Variants in ANKS1A observed in about 807,000 individuals in gnomAD.
The protein encoded by ANKS1A is ankyrin repeat and SAM domain-containing protein 1A.
ANKS1A carries 55 observed loss-of-function variants against 120.3 expected under a neutral mutation model. The observed-to-expected ratio is 0.46, with a 90% CI of 0.37 to 0.57. The LOEUF (loss-of-function observed/expected upper bound fraction) is 0.57, where lower values mean the gene tolerates loss of function less well. Ranked by LOEUF, ANKS1A falls within the 20% of genes least tolerant of loss-of-function variation. The pLI, the probability that ANKS1A is intolerant of heterozygous loss-of-function variation, is 0.00. For missense variants in ANKS1A, 1,123 were observed against 1,480.3 expected (o/e 0.76, Z 3.96); for synonymous variants, 590 against 604.7 (o/e 0.98, Z 0.36).
rs1027544528 is a variant in ANKS1A, at chr6:34,928,311, C to T, written c.197+38712C>T. Among the ~76,000 whole-genome samples, 4 of 152,140 alleles carry T rather than the reference C, an allele frequency of 2.6e-5. No homozygotes were observed. In the South Asian group the frequency reaches 8.3e-4, roughly 32 times the overall value. On this transcript the variant is annotated intron_variant, in intron 1 of 23. Coordinates refer to ENST00000360359, the MANE Select transcript of ANKS1A (RefSeq NM_015245.3). ...AGAGCAGCCTTTTACAGCCCCAGGCCTCACAGGATCCTCTGAAAAGACTCG... is the reference window on the plus strand; with the variant it reads ...AGAGCAGCCTTTTACAGCCCCAGGCTTCACAGGATCCTCTGAAAAGACTCG...
At chr6:35,030,647 T>A (rs1028030570) in intron 11 of ANKS1A, among the ~76,000 whole-genome samples, 2 of 152,246 alleles carry the variant, frequency 1.3e-5, no homozygotes, top group Non-Finnish European at 2.9e-5. Context: ...CACCGTTACG[T>A]CTATGAAATA....
Position 34,991,776 on chromosome 6 carries a change from A to G in ANKS1A, c.1302+2460A>G, listed in dbSNP as rs1228719680. 7.0e-4 allele frequency among the ~76,000 whole-genome samples: 99 copies of G among 141,942 alleles called. 2 individuals carry two copies. The highest frequency in any genetic ancestry group is 2.6e-3 in the Admixed American group (36 of 13,838). 93.1% of individuals were successfully genotyped at this position (141,942 alleles called of 152,430 possible). On this transcript the variant is annotated intron_variant, in intron 9 of 23. Coordinates refer to ENST00000360359, the MANE Select transcript of ANKS1A (RefSeq NM_015245.3). The stretch of plus-strand genomic sequence containing the variant: ...CACACATATATATATACACATATAT[A>G]TACACACATATATATATACATATAT...
chr6:34,910,659 G>A (rs1393551229), intron 1 of ANKS1A, among the ~76,000 whole-genome samples: 1 of 152,002 alleles, frequency 6.6e-6, no homozygotes, highest in African/African-American at 2.4e-5. Context: ...TCAGGAGTTC[G>A]AGACCAGCCT....
intron 1 of ANKS1A, among the ~76,000 whole-genome samples, chr6:34,928,841 G>A (rs1768839113): frequency 1.3e-5 from 2 of 152,136 alleles, no homozygotes; most frequent in African/African-American, 4.8e-5. Context: ...TTCCTCTTTT[G>A]AGTTCTAATG....
chr6:35,031,496 G>C (rs1774908551), intron 11 of ANKS1A, among the ~76,000 whole-genome samples: 1 of 152,152 alleles, frequency 6.6e-6, no homozygotes, highest in African/African-American at 2.4e-5. Context: ...CTTGTAAAGG[G>C]TCACTCAAGT....
chr6:34,989,438 G>A (rs918096938), intron 9 of ANKS1A, 122 bp downstream of exon 9: 5 of 880,090 alleles, frequency 5.7e-6, no homozygotes, highest in African/African-American at 5.1e-5. Flanking sequence ...TTATAAATTT[G>A]TATTATGTGT....
chr6:35,016,169 A>G (rs1773993987), intron 10 of ANKS1A, among the ~76,000 whole-genome samples: 2 of 152,254 alleles, frequency 1.3e-5, no homozygotes, highest in Non-Finnish European at 2.9e-5. Context: ...ACACAGCTAG[A>G]GAACAGCTCA....
At chr6:35,024,008 CTTTG>C (rs990535440) in intron 11 of ANKS1A, among the ~76,000 whole-genome samples, 13 of 152,118 alleles carry the variant, frequency 8.5e-5, no homozygotes, top group African/African-American at 3.1e-4. Flanking sequence ...GTCTCTAAAA[CTTTG>C]TTTTTCTGCA....
rs948663728 is a variant in ANKS1A at position 35,090,884 on chromosome 6, G to A, written c.*2275G>A. Reference sequence around the variant, plus strand: ...ACCTCTTCTCCCCTGCCCACCAGCTGCTCAGCGCATAAGACCTTCCCGACA... The same window carrying A: ...ACCTCTTCTCCCCTGCCCACCAGCTACTCAGCGCATAAGACCTTCCCGACA... On this transcript the variant is annotated 3_prime_UTR_variant, in exon 24 of 24. Coordinates refer to ENST00000360359, the MANE Select transcript of ANKS1A (RefSeq NM_015245.3). The A allele has an allele frequency of 1.4e-5, 14 of 985,686 alleles. No homozygotes were observed. Among genetic ancestry groups the A allele is most frequent in the African/African-American group, 1.7e-5 (1 of 57,258 alleles). The allele number at this position is 985,686 out of a possible 1,614,324, so 61.1% of individuals were successfully genotyped here. A position where few individuals can be genotyped will look rare whatever the true frequency, so the allele number is the denominator to read the frequency against.
intron 1 of ANKS1A, among the ~76,000 whole-genome samples, chr6:34,944,286 A>AT (rs1769676474): frequency 6.6e-6 from 1 of 152,170 alleles, no homozygotes; most frequent in South Asian, 2.1e-4. Context: ...AAAAAAAAAA[A>AT]AGTGGACATA....
At position 35,050,339 on chromosome 6, in the gene ANKS1A, C is replaced by T. The variant is rs1775909261; in HGVS notation, c.2011-3760C>T. Among the ~76,000 whole-genome samples the T allele has an allele frequency of 6.6e-6, 1 of 152,168 alleles. No individual in the cohort carries two copies. Among genetic ancestry groups the T allele is most frequent in the Non-Finnish European group, 1.5e-5 (1 of 68,024 alleles). ...CACGAGTATAAGTTTTCAGTCAGTT[C>T]ACGTGAAGTGCACTAATAAGGAAGC... On this transcript the variant is annotated intron_variant, in intron 11 of 23. Coordinates refer to ENST00000360359, the MANE Select transcript of ANKS1A (RefSeq NM_015245.3). This position sits in a 1 kb window ranked among gnomAD's most constrained non-coding sequence, Gnocchi z 4.3.
chr6:35,008,644 A>C (rs929115153), intron 10 of ANKS1A, among the ~76,000 whole-genome samples: 1 of 152,188 alleles, frequency 6.6e-6, no homozygotes, highest in African/African-American at 2.4e-5. Context: ...AGCCTTATGA[A>C]CTGTGCTTCT....
intron 12 of ANKS1A, among the ~76,000 whole-genome samples, chr6:35,054,537 C>T (rs1326177725): frequency 6.6e-6 from 1 of 152,204 alleles, no homozygotes; most frequent in Non-Finnish European, 1.5e-5. Context: ...TCAAGAGTCT[C>T]ATCCGTGATG....
intron 11 of ANKS1A, among the ~76,000 whole-genome samples, chr6:35,022,988 C>T (rs1774421786): frequency 6.6e-6 from 1 of 152,200 alleles, no homozygotes; most frequent in Non-Finnish European, 1.5e-5. Flanking sequence ...CCATTAGATA[C>T]TGCACAGGGC....
chr6:34,895,893 G>A (rs1767057896), intron 1 of ANKS1A, among the ~76,000 whole-genome samples: 1 of 140,354 alleles, frequency 7.1e-6, no homozygotes, highest in African/African-American at 2.7e-5. Context: ...GGGTTCAAGC[G>A]ATTCTCCTGT....
At chr6:35,026,364 A>G (rs1175656435) in intron 11 of ANKS1A, among the ~76,000 whole-genome samples, 2 of 152,254 alleles carry the variant, frequency 1.3e-5, no homozygotes, top group African/African-American at 4.8e-5. Context: ...TTTGTTGAGC[A>G]CCTGCTCTGT....
intron 11 of ANKS1A, among the ~76,000 whole-genome samples, chr6:35,024,846 A>G (rs1041739528): frequency 6.6e-6 from 1 of 152,230 alleles, no homozygotes; most frequent in Non-Finnish European, 1.5e-5. Context: ...CAAAAAGAAG[A>G]ATGTAAAATA....
At chr6:35,017,366 G>A in intron 10 of ANKS1A, 107 bp from the exon 11 acceptor site, 1 of 1,201,116 alleles carries the variant, frequency 8.3e-7, no homozygotes, top group African/African-American at 1.5e-5. Context: ...TTCTCTCTCT[G>A]TTTCTCTGTG....
intron 13 of ANKS1A, among the ~76,000 whole-genome samples, chr6:35,073,773 A>G (rs1165193439): frequency 6.6e-6 from 1 of 152,214 alleles, no homozygotes; most frequent in East Asian, 1.9e-4. Flanking sequence ...CTTTTCCCCC[A>G]TGACCCTCCT....
Sources: gnomAD v4.1 joint callset for allele counts (sites outside exome capture counted in the v4.1 genomes callset) on GRCh38, gnomAD v4.1.1 for gene constraint, Gnocchi (gnomAD v3.1) non-coding constraint, MANE v1.5 for transcripts, NCBI Gene and HGNC (gene_info 2026-07-23, HGNC 2026-07-21) for gene names.